The following KIF6 variants were observed in gnomAD, a reference collection of about 807,000 sequenced individuals.
The protein encoded by KIF6 is kinesin family member 6, also known as kinesin-like protein KIF6.
KIF6 carries 106 observed loss-of-function variants against 112.7 expected under a neutral mutation model. That is an observed-to-expected ratio of 0.94 (90% CI 0.80 to 1.11). The LOEUF (loss-of-function observed/expected upper bound fraction) is 1.11. KIF6 is among the 50% of genes least tolerant of loss of function. KIF6 has a pLI of 0.00. For missense variants in KIF6, 929 were observed against 964.0 expected (o/e 0.96, Z 0.48); for synonymous variants, 339 against 339.9 (o/e 1.00, Z 0.03).
chr6:39,371,771 T>G (rs185309665), intron 16 of KIF6, among the ~76,000 whole-genome samples: 1 of 152,114 alleles, frequency 6.6e-6, no homozygotes, highest in Admixed American at 6.5e-5. Context: ...TAGATTCAAA[T>G]TGGGTAAGGA....
chr6:39,695,717 C>T (rs1436567345), intron 3 of KIF6, among the ~76,000 whole-genome samples: 1 of 152,118 alleles, frequency 6.6e-6, no homozygotes, highest in Non-Finnish European at 1.5e-5. Flanking sequence ...ATTACTTCAG[C>T]CCCTGTGGAA....
At chr6:39,544,406 G>T in intron 12 of KIF6, 149 bp downstream of exon 12, 1 of 668,946 alleles carries the variant, frequency 1.5e-6, no homozygotes, top group Non-Finnish European at 2.3e-6. Flanking sequence ...GCAATACTTT[G>T]CTGAAGGGAC....
intron 14 of KIF6, among the ~76,000 whole-genome samples, chr6:39,422,659 T>C (rs1770457278): frequency 6.6e-6 from 1 of 151,712 alleles, no homozygotes; most frequent in African/African-American, 2.4e-5. Context: ...GGCTAAGGAC[T>C]CGGTTAGGAA....
intron 13 of KIF6, among the ~76,000 whole-genome samples, chr6:39,447,489 G>C (rs1772404797): frequency 6.6e-6 from 1 of 151,852 alleles, no homozygotes; most frequent in African/African-American, 2.4e-5. Flanking sequence ...ATCGGTTATA[G>C]TTAAATGTAG....
intron 7 of KIF6, among the ~76,000 whole-genome samples, chr6:39,592,177 A>C (rs952584219): frequency 6.6e-6 from 1 of 152,232 alleles, no homozygotes; most frequent in Non-Finnish European, 1.5e-5. Context: ...CTTAGATTGC[A>C]TGTACAAATA....
chr6:39,582,350 A>G (rs978863129), intron 9 of KIF6, among the ~76,000 whole-genome samples: 4 of 152,068 alleles, frequency 2.6e-5, no homozygotes, highest in Non-Finnish European at 4.4e-5. Flanking sequence ...CCTTGTTCAT[A>G]GTTCTTTTAC....
chr6:39,650,436 G>C (rs1311013294), intron 3 of KIF6, among the ~76,000 whole-genome samples: 2 of 151,948 alleles, frequency 1.3e-5, no homozygotes, highest in East Asian at 3.9e-4. Flanking sequence ...TTGAAGTCCA[G>C]CATACAGTAT....
At chr6:39,530,316 T>TC (rs1402168609) in intron 13 of KIF6, among the ~76,000 whole-genome samples, 1 of 152,036 alleles carries the variant, frequency 6.6e-6, no homozygotes, top group Non-Finnish European at 1.5e-5. Context: ...TTAAAGGAGG[T>TC]GGTGAGTCAT....
intron 22 of KIF6, among the ~76,000 whole-genome samples, chr6:39,339,462 G>C (rs1316695935): frequency 6.6e-6 from 1 of 152,090 alleles, no homozygotes; most frequent in African/African-American, 2.4e-5. Context: ...TCTGAACACA[G>C]AAGAGAGCTG....
At chr6:39,510,100 T>C (rs1336302213) in intron 13 of KIF6, among the ~76,000 whole-genome samples, 14 of 150,648 alleles carry the variant, frequency 9.3e-5, no homozygotes, top group African/African-American at 3.2e-4. Flanking sequence ...TTTTCTTTTT[T>C]TTTTTTTTTT....
At chr6:39,396,246 T>A (rs1051935280) in intron 15 of KIF6, among the ~76,000 whole-genome samples, 1 of 152,248 alleles carries the variant, frequency 6.6e-6, no homozygotes, top group Admixed American at 6.5e-5. Flanking sequence ...AAGTCATTGT[T>A]AGATGTTGCA....
At chr6:39,487,797 GA>G (rs1156232952) in intron 13 of KIF6, among the ~76,000 whole-genome samples, 4 of 152,128 alleles carry the variant, frequency 2.6e-5, no homozygotes, top group Non-Finnish European at 5.9e-5. Flanking sequence ...TTAAATGTCA[GA>G]CTTCTAAAAA....
chr6:39,439,670 C>T (rs780328340), intron 13 of KIF6, among the ~76,000 whole-genome samples: 3 of 152,248 alleles, frequency 2.0e-5, no homozygotes, highest in South Asian at 2.1e-4. Context: ...AATTCTTGTG[C>T]GCTGGTCCCT....
chr6:39,431,110 T>C lies in KIF6; in HGVS notation c.1697A>G (p.Lys566Arg), dbSNP rs1401626668. The C allele has an allele frequency of 1.2e-6, 2 of 1,613,652 alleles. No individual in the cohort carries two copies. Among genetic ancestry groups the C allele is most frequent in the Non-Finnish European group, 8.5e-7 (1 of 1,179,588 alleles). The change falls in exon 14 of 23, where the codon AAG (lysine) becomes AGG (arginine). Residue 566 changes from lysine to arginine, a missense_variant. Physicochemically the swap from Lys to Arg is conservative, Grantham distance 26 (BLOSUM62 2). Around this residue, in one of 2 missense-constraint regions of KIF6, gnomAD observed 241 missense variants for 301.4 expected, o/e 0.80. Coordinates refer to ENST00000287152, the MANE Select transcript of KIF6 (RefSeq NM_145027.6). Reference sequence around the variant, plus strand: ...GGTAACGCTGTCAGCGTGGTCCCTCTTGAAGATTTCAAAAGCCTCCTGGCA... The same window carrying C: ...GGTAACGCTGTCAGCGTGGTCCCTCCTGAAGATTTCAAAAGCCTCCTGGCA... ...LGCQEAFEIFKRDHADSVTID... is the reference protein window; with the variant it reads ...LGCQEAFEIFRRDHADSVTID...
At chr6:39,468,106 T>C (rs975537350) in intron 13 of KIF6, among the ~76,000 whole-genome samples, 1 of 151,090 alleles carries the variant, frequency 6.6e-6, no homozygotes, top group African/African-American at 2.4e-5. Flanking sequence ...CAAGAGGAGA[T>C]TTGAACTGAC....
intron 3 of KIF6, among the ~76,000 whole-genome samples, chr6:39,685,933 C>T (rs17665035): frequency 0.08 from 12,189 of 152,202 alleles, 515 homozygotes; most frequent in Middle Eastern, 0.11. Flanking sequence ...CAGATACTGA[C>T]GTTTTTAATG....
At chr6:39,695,047 T>G (rs990529674) in intron 3 of KIF6, among the ~76,000 whole-genome samples, 10 of 152,064 alleles carry the variant, frequency 6.6e-5, no homozygotes, top group Non-Finnish European at 1.3e-4. Context: ...TTGGCAAAGT[T>G]AACAAAAATA....
chr6:39,502,016 C>T (rs1776160569), intron 13 of KIF6, among the ~76,000 whole-genome samples: 1 of 151,874 alleles, frequency 6.6e-6, no homozygotes, highest in South Asian at 2.1e-4. Flanking sequence ...GAAGATCAAC[C>T]CCAAGACACA....
chr6:39,555,674 C>T (rs1027145233), intron 10 of KIF6, among the ~76,000 whole-genome samples: 6 of 151,948 alleles, frequency 3.9e-5, no homozygotes, highest in South Asian at 2.1e-4. Flanking sequence ...GTAATGAGGC[C>T]GGGTGCAGTG....
Sources: gnomAD v4.1 joint callset for allele counts (sites outside exome capture counted in the v4.1 genomes callset) on GRCh38, gnomAD v4.1.1 for gene constraint, gnomAD v4.1.1 regional missense constraint, MANE v1.5 for transcripts, NCBI Gene and HGNC (gene_info 2026-07-23, HGNC 2026-07-21) for gene names.